HS6ST1: variants seen among roughly 807,000 people sequenced by gnomAD.
HS6ST1 encodes heparan sulfate 6-O-sulfotransferase 1.
HS6ST1 carries 3 observed loss-of-function variants against 25.2 expected under a neutral mutation model. That is an observed-to-expected ratio of 0.12 (90% CI 0.05 to 0.31). The LOEUF (loss-of-function observed/expected upper bound fraction) is 0.31, where lower values mean the gene tolerates loss of function less well. Among genes scored for constraint, HS6ST1 ranks in the 10% least tolerant of loss-of-function variants. The probability of loss-of-function intolerance (pLI) is 1.00; values close to 1 mark genes in which losing one functional copy is unlikely to be tolerated. For missense variants in HS6ST1, 310 were observed against 609.6 expected (o/e 0.51, Z 5.18); for synonymous variants, 204 against 275.1 (o/e 0.74, Z 2.56).
At chr2:128,314,667 G>A (rs1694335483) in intron 1 of HS6ST1, among the ~76,000 whole-genome samples, 1 of 152,162 alleles carries the variant, frequency 6.6e-6, no homozygotes, top group Admixed American at 6.5e-5. Context: ...GGGCTCCTGC[G>A]CCATCCCTCC....
At chr2:128,307,352 G>A (rs1233758113) in intron 1 of HS6ST1, among the ~76,000 whole-genome samples, 1 of 152,142 alleles carries the variant, frequency 6.6e-6, no homozygotes, top group African/African-American at 2.4e-5. Context: ...CCACCAGCAG[G>A]GTCCCATGGG....
rs760954597 is a variant in HS6ST1, at chr2:128,318,523, C to G, written c.41G>C (p.Arg14Pro). 45 of 1,534,500 alleles carry G rather than the reference C, an allele frequency of 2.9e-5. No individual in the cohort carries two copies. Among genetic ancestry groups the G allele is most frequent in the Non-Finnish European group, 3.8e-5 (44 of 1,145,682 alleles). The stretch of plus-strand genomic sequence containing the variant: ...CACCACCAGCACGAACTTGCTGGCG[C>G]GCTCAACCATGGTCCTGCCGCCGGC... ...RRAGGRTMVE[R>P]ASKFVLVVAG... Residue 14 changes from arginine (R) to proline (P), a missense_variant, in exon 1 of 2, where the codon CGC (arginine) becomes CCC (proline). By Grantham distance (103) the Arg-to-Pro change is moderately radical. Coordinates refer to ENST00000259241, the MANE Select transcript of HS6ST1 (RefSeq NM_004807.3). This position sits in a 1 kb window ranked among gnomAD's most constrained non-coding sequence, Gnocchi z 5.7.
At chr2:128,282,940 G>A (rs1380743410) in intron 1 of HS6ST1, among the ~76,000 whole-genome samples, 2 of 152,198 alleles carry the variant, frequency 1.3e-5, no homozygotes, top group East Asian at 1.9e-4. Context: ...GGACCTCAGG[G>A]GACCAGACAC....
intron 1 of HS6ST1, among the ~76,000 whole-genome samples, chr2:128,310,890 C>G (rs746080140): frequency 2.6e-5 from 4 of 152,152 alleles, no homozygotes; most frequent in Non-Finnish European, 4.4e-5. Context: ...CTTGCAGGGG[C>G]CCCTCTCCAC....
At chr2:128,280,535 C>A (rs540556378) in intron 1 of HS6ST1, among the ~76,000 whole-genome samples, 1 of 152,338 alleles carries the variant, frequency 6.6e-6, no homozygotes, top group African/African-American at 2.4e-5. Context: ...CCTGGCTTGG[C>A]CCAAGGGCAG....
chr2:128,289,472 A>G (rs1204447770), intron 1 of HS6ST1, among the ~76,000 whole-genome samples: 1 of 152,196 alleles, frequency 6.6e-6, no homozygotes, highest in Non-Finnish European at 1.5e-5. Flanking sequence ...CAGATACCAG[A>G]GGTGTCTGAC....
chr2:128,283,789 A>G (rs1693821381), intron 1 of HS6ST1, among the ~76,000 whole-genome samples: 1 of 152,154 alleles, frequency 6.6e-6, no homozygotes, highest in African/African-American at 2.4e-5. Context: ...CCTCCTGAGG[A>G]AGATGCAGGG....
chr2:128,269,562 A>G (rs1448638610), intron 1 of HS6ST1, among the ~76,000 whole-genome samples: 1 of 152,198 alleles, frequency 6.6e-6, no homozygotes, highest in Non-Finnish European at 1.5e-5. Flanking sequence ...CAGGCTCGCT[A>G]TGACGCTGGG....
chr2:128,286,769 T>C (rs1008749432), intron 1 of HS6ST1, among the ~76,000 whole-genome samples: 1 of 152,266 alleles, frequency 6.6e-6, no homozygotes, highest in Non-Finnish European at 1.5e-5. Flanking sequence ...TGAAAATCTT[T>C]GCTGGCTTTA....
chr2:128,311,562 G>A (rs1302469425), intron 1 of HS6ST1, among the ~76,000 whole-genome samples: 2 of 152,180 alleles, frequency 1.3e-5, no homozygotes, highest in East Asian at 3.9e-4. Flanking sequence ...TGCTGCCTCC[G>A]TGATGCTTGA....
intron 1 of HS6ST1, among the ~76,000 whole-genome samples, chr2:128,311,323 T>G (rs1694287115): frequency 6.6e-6 from 1 of 152,144 alleles, no homozygotes; most frequent in South Asian, 2.1e-4. Context: ...CAGGTGCCAG[T>G]GAGTGTCCAG....
Position 128,268,306 on chromosome 2 carries a change from C to A in HS6ST1, c.1092G>T (p.Gln364His). The A allele has an allele frequency of 6.2e-7, 1 of 1,613,288 alleles. No individual in the cohort carries two copies. Among genetic ancestry groups the A allele is most frequent in the East Asian group, 2.2e-5 (1 of 44,882 alleles). Residue 364 changes from glutamine to histidine, a missense_variant, in exon 2 of 2, where the codon CAG becomes CAT. Around this residue, in one of 5 missense-constraint regions of HS6ST1, gnomAD observed 140 missense variants for 176.5 expected, o/e 0.79. Transcript: ENST00000259241. ...TCAGGCGCTGCTCCCTGCGCTCCAGCTGCCGCTTGTACTGGTAGCGCTGCT... is the reference window on the plus strand; with the variant it reads ...TCAGGCGCTGCTCCCTGCGCTCCAGATGCCGCTTGTACTGGTAGCGCTGCT... ...LFQQRYQYKR[Q>H]LERREQRLRS... is the part of the protein sequence containing the mutation.
rs1387157708 is a variant in HS6ST1 at position 128,300,617 on chromosome 2, A to C, written c.527+17420T>G. 2.0e-5 allele frequency among the ~76,000 whole-genome samples: 3 copies of C among 152,034 alleles called. No homozygotes were observed. The East Asian group carries it at 5.8e-4, about 29-fold the overall frequency. On this transcript the variant is annotated intron_variant, in intron 1 of 1. Transcript: ENST00000259241. ...GTCTGTCTAGCACCTGTTGTAATTA[A>C]TCTCTTCGGGGGAGGCTGTAACTAA...
intron 1 of HS6ST1, among the ~76,000 whole-genome samples, chr2:128,286,280 C>T (rs963347666): frequency 1.3e-5 from 2 of 152,212 alleles, no homozygotes; most frequent in African/African-American, 2.4e-5. Flanking sequence ...CTATCGTGGC[C>T]GAGGTCTGCG....
chr2:128,279,037 C>T (rs1217767508), intron 1 of HS6ST1, among the ~76,000 whole-genome samples: 1 of 152,208 alleles, frequency 6.6e-6, no homozygotes, highest in East Asian at 1.9e-4. Flanking sequence ...ACAAAAGCCT[C>T]CCCGCTGCAT....
chr2:128,312,190 G>A (rs1288325327), intron 1 of HS6ST1, among the ~76,000 whole-genome samples: 3 of 152,380 alleles, frequency 2.0e-5, no homozygotes, highest in Non-Finnish European at 2.9e-5. Flanking sequence ...CCTTCCATGC[G>A]CATGCAGGGG....
At chr2:128,302,412 G>A (rs1694146434) in intron 1 of HS6ST1, among the ~76,000 whole-genome samples, 1 of 152,144 alleles carries the variant, frequency 6.6e-6, no homozygotes, top group African/African-American at 2.4e-5. Flanking sequence ...CTCTCACTAA[G>A]CATCCAGCTG....
intron 1 of HS6ST1, among the ~76,000 whole-genome samples, chr2:128,301,229 G>A (rs1171423634): frequency 6.6e-6 from 1 of 151,984 alleles, no homozygotes; most frequent in Admixed American, 6.5e-5. Flanking sequence ...CGGGGGCTGC[G>A]TAGCTCTAGC....
At chr2:128,290,817 C>CAAAAAAAAAAAAAAAAAAA (rs57754041) in intron 1 of HS6ST1, among the ~76,000 whole-genome samples, 2 of 60,548 alleles carry the variant, frequency 3.3e-5, no homozygotes, top group African/African-American at 7.1e-5. Flanking sequence ...ACTAAAAATA[C>CAAAAAAAAAAAAAAAAAAA]AAAAAAAAAA....
Sources: gnomAD v4.1 joint callset for allele counts (sites outside exome capture counted in the v4.1 genomes callset) on GRCh38, gnomAD v4.1.1 for gene constraint, gnomAD v4.1.1 regional missense constraint, Gnocchi (gnomAD v3.1) non-coding constraint, MANE v1.5 for transcripts, NCBI Gene and HGNC (gene_info 2026-07-23, HGNC 2026-07-21) for gene names.